The following VGLL3 variants were observed in gnomAD, a reference collection of about 807,000 sequenced individuals.
The protein encoded by VGLL3 is vestigial like family member 3.
VGLL3 carries 18 observed loss-of-function variants against 29.2 expected under a neutral mutation model. The ratio of observed to expected loss-of-function variants is 0.62; its 90% CI spans 0.43 to 0.91. The LOEUF is 0.91. VGLL3 is among the 40% of genes least tolerant of loss of function. The pLI is 0.00. For synonymous variants in VGLL3, 180 were observed against 151.8 expected (o/e 1.19, Z -1.36); for missense variants, 440 against 413.2 (o/e 1.06, Z -0.56).
chr3:86,986,076 C>T (rs757375723), intron 1 of VGLL3, among the ~76,000 whole-genome samples: 1 of 151,898 alleles, frequency 6.6e-6, no homozygotes, highest in Non-Finnish European at 1.5e-5. Flanking sequence ...CACACACGCA[C>T]ATAGCCCAGC....
chr3:86,966,773 G>GTATATATATATACATATATA (rs1704970885), intron 3 of VGLL3, among the ~76,000 whole-genome samples: 1 of 37,986 alleles, frequency 2.6e-5, no homozygotes, highest in African/African-American at 9.1e-5. Flanking sequence ...GTGTGTGTGT[G>GTATATATATATACATATATA]TATATATATA....
In VGLL3 at chr3:86,984,139, A is replaced by G. The variant is rs137891336; in HGVS notation, c.127-5337T>C. ...AACAATGTCATGCTTTTAAAAACATATATAATTCTAGGTGAAATTGAACTT... is the reference window on the plus strand; with the variant it reads ...AACAATGTCATGCTTTTAAAAACATGTATAATTCTAGGTGAAATTGAACTT... On this transcript the variant is annotated intron_variant, in intron 1 of 3. Coordinates refer to ENST00000398399, the MANE Select transcript of VGLL3 (RefSeq NM_016206.4). Among the ~76,000 whole-genome samples the G allele has an allele frequency of 1.5e-3, 227 of 152,330 alleles. 1 individual carries two copies. The highest frequency in any genetic ancestry group is 4.1e-3 in the African/African-American group (172 of 41,578).
intron 1 of VGLL3, among the ~76,000 whole-genome samples, chr3:86,980,240 C>T (rs1003847745): frequency 6.6e-6 from 1 of 151,718 alleles, no homozygotes; most frequent in African/African-American, 2.4e-5. Context: ...AAAATACATA[C>T]CCCAGACTCT....
chr3:86,954,564 T>A (rs562970153), intron 3 of VGLL3, among the ~76,000 whole-genome samples: 3 of 152,306 alleles, frequency 2.0e-5, no homozygotes, highest in Admixed American at 2.0e-4. Flanking sequence ...TCTGAACCAG[T>A]TGTTTAAAAA....
chr3:86,982,481 C>T (rs1036834162), intron 1 of VGLL3, among the ~76,000 whole-genome samples: 2 of 150,612 alleles, frequency 1.3e-5, no homozygotes, highest in South Asian at 4.2e-4. Context: ...GTATTTTGCT[C>T]ATAAGCACTT....
chr3:86,978,060 A>G (rs573020741), intron 2 of VGLL3, among the ~76,000 whole-genome samples: 1 of 152,366 alleles, frequency 6.6e-6, no homozygotes, highest in African/African-American at 2.4e-5. Flanking sequence ...ATAACAAATC[A>G]GGATAAAGAA....
chr3:86,939,562 T>C lies in VGLL3; in HGVS notation c.*7462A>G, dbSNP rs983975125. 2.0e-5 allele frequency: 3 copies of C among 152,456 alleles called. No homozygotes were observed. The highest frequency in any genetic ancestry group is 7.3e-5 in the African/African-American group (3 of 41,308). 9.4% of individuals were successfully genotyped at this position (152,456 alleles called of 1,614,324 possible). ...ATCCTTTGAACCCGGGAGGTGGAGG[T>C]TGGAGTGAGCCGAGATCGCGCCACT... On this transcript the variant is annotated 3_prime_UTR_variant, in exon 4 of 4. Transcript: ENST00000398399.
At chr3:86,954,612 G>A (rs959900291) in intron 3 of VGLL3, among the ~76,000 whole-genome samples, 1 of 152,048 alleles carries the variant, frequency 6.6e-6, no homozygotes, top group Non-Finnish European at 1.5e-5. Flanking sequence ...ATGAATCATA[G>A]AGTTAGGTAG....
At chr3:86,975,167 T>C (rs1314312368) in intron 2 of VGLL3, among the ~76,000 whole-genome samples, 1 of 152,194 alleles carries the variant, frequency 6.6e-6, no homozygotes, top group African/African-American at 2.4e-5. Flanking sequence ...GGCTGGAACA[T>C]GAATCTAAAA....
Position 86,968,616 on chromosome 3 carries a change from A to T in VGLL3, c.911T>A (p.Ile304Lys), listed in dbSNP as rs755003612. Reference sequence around the variant, plus strand: ...TGTATCGAATCCCACGCTGGGCACTATGTCTACTGTTCCATGAAAGGCTCC... The same window carrying T: ...TGTATCGAATCCCACGCTGGGCACTTTGTCTACTGTTCCATGAAAGGCTCC... ...WAGAFHGTVD[I>K]VPSVGFDTGL... Residue 304 changes from isoleucine (I) to lysine (K), a missense_variant, in exon 3 of 4, where the codon ATA (isoleucine) becomes AAA (lysine). Physicochemically the swap from Ile to Lys is moderately radical, Grantham distance 102 (BLOSUM62 -3). Coordinates refer to ENST00000398399, the MANE Select transcript of VGLL3 (RefSeq NM_016206.4). 21 of 1,613,976 alleles carry T rather than the reference A, an allele frequency of 1.3e-5. No homozygotes were observed. In the Admixed American group the frequency reaches 3.3e-4, roughly 26 times the overall value.
In VGLL3 at chr3:86,951,565, T is replaced by C. The variant is rs566246556; in HGVS notation, c.938-4498A>G. Among the ~76,000 whole-genome samples, 4 of 152,290 alleles carry C rather than the reference T, an allele frequency of 2.6e-5. No individual in the cohort carries two copies. The South Asian group carries it at 8.3e-4, about 32-fold the overall frequency. Reference sequence around the variant, plus strand: ...AGCACTGACTGTACATAAGAAGGCATTATGACTCATTTTCTAACTGAGATT... The same window carrying C: ...AGCACTGACTGTACATAAGAAGGCACTATGACTCATTTTCTAACTGAGATT... On this transcript the variant is annotated intron_variant, in intron 3 of 3. Coordinates refer to ENST00000398399, the MANE Select transcript of VGLL3 (RefSeq NM_016206.4).
intron 3 of VGLL3, among the ~76,000 whole-genome samples, chr3:86,964,955 C>T (rs758908732): frequency 1.3e-5 from 2 of 151,936 alleles, no homozygotes; most frequent in African/African-American, 2.4e-5. Flanking sequence ...GTCAGGAGTT[C>T]GAGACCAGCC....
At chr3:86,955,859 A>G (rs1704711322) in intron 3 of VGLL3, among the ~76,000 whole-genome samples, 1 of 152,190 alleles carries the variant, frequency 6.6e-6, no homozygotes, top group African/African-American at 2.4e-5. Context: ...TATAACACAT[A>G]CTTGTGTTAA....
intron 1 of VGLL3, among the ~76,000 whole-genome samples, chr3:86,980,390 T>C (rs1360351999): frequency 6.6e-6 from 1 of 152,146 alleles, no homozygotes; most frequent in Non-Finnish European, 1.5e-5. Context: ...AGAAATACTA[T>C]GAACTTCTAG....
At chr3:86,960,312 C>T (rs1704811366) in intron 3 of VGLL3, among the ~76,000 whole-genome samples, 1 of 152,062 alleles carries the variant, frequency 6.6e-6, no homozygotes, top group African/African-American at 2.4e-5. Context: ...CGGAATACCA[C>T]TTAATGTGAT....
chr3:86,950,729 T>G (rs1293040312), intron 3 of VGLL3, among the ~76,000 whole-genome samples: 5 of 152,198 alleles, frequency 3.3e-5, no homozygotes, highest in East Asian at 3.9e-4. Context: ...ACACTTTTGA[T>G]GAAGACCACT....
intron 3 of VGLL3, among the ~76,000 whole-genome samples, chr3:86,958,263 G>A (rs965803243): frequency 6.6e-6 from 1 of 152,064 alleles, no homozygotes; most frequent in Non-Finnish European, 1.5e-5. Context: ...ATAGGAGTAA[G>A]AATGCTCAGC....
chr3:86,970,796 G>A (rs1251565480), intron 2 of VGLL3, among the ~76,000 whole-genome samples: 1 of 152,092 alleles, frequency 6.6e-6, no homozygotes, highest in African/African-American at 2.4e-5. Flanking sequence ...GCACTGGGCT[G>A]GGAGACCAAG....
chr3:86,960,130 G>T (rs72916065), intron 3 of VGLL3, among the ~76,000 whole-genome samples: 1 of 152,094 alleles, frequency 6.6e-6, no homozygotes, highest in South Asian at 2.1e-4. Flanking sequence ...AAACACTAAG[G>T]TAGTTTAATT....
Sources: gnomAD v4.1 joint callset for allele counts (sites outside exome capture counted in the v4.1 genomes callset) on GRCh38, gnomAD v4.1.1 for gene constraint, MANE v1.5 for transcripts, NCBI Gene and HGNC (gene_info 2026-07-23, HGNC 2026-07-21) for gene names.